Variants in ZNF235 observed in about 807,000 individuals in gnomAD.
The protein encoded by ZNF235 is zfp-93.
A neutral mutation model predicts 29.4 loss-of-function variants in ZNF235; 25 were observed. That is an observed-to-expected ratio of 0.85 (90% CI 0.62 to 1.19). The LOEUF is 1.19. ZNF235 is among the 50% of genes most tolerant of loss of function. ZNF235 has a pLI of 0.00. For missense variants in ZNF235, 788 were observed against 885.0 expected (o/e 0.89, Z 1.39); for synonymous variants, 300 against 295.3 (o/e 1.02, Z -0.16).
chr19:44,291,066 T>C (rs8105073), intron 4 of ZNF235, among the ~76,000 whole-genome samples: 72,530 of 152,050 alleles, frequency 0.48, 18,129 homozygotes, highest in South Asian at 0.67. Flanking sequence ...GACTACTTGG[T>C]CTTTCTAGGA....
In ZNF235 at chr19:44,287,052, T is replaced by C; in HGVS notation, c.*166A>G. On this transcript the variant is annotated 3_prime_UTR_variant, in exon 5 of 5. Transcript: ENST00000291182. ...GTGAAATATGACGTTTGTAAAGAAT[T>C]CATGTCCTAACCAAGTCTAAAACAC... 1.5e-6 allele frequency: 1 copy of C among 663,032 alleles called. No homozygotes were observed. Among genetic ancestry groups the C allele is most frequent in the Non-Finnish European group, 2.4e-6 (1 of 414,418 alleles). 41.1% of individuals were successfully genotyped at this position (663,032 alleles called of 1,614,324 possible). A position where few individuals can be genotyped will look rare whatever the true frequency, so the allele number is the denominator to read the frequency against.
rs1433617755 is a variant in ZNF235 at position 44,288,000 on chromosome 19, G to T, written c.1435C>A (p.Arg479=). The change falls in exon 5 of 5, where the codon CGA becomes AGA. Residue 479 remains arginine, a synonymous_variant. Transcript: ENST00000291182. The part of the protein sequence containing the change: ...SLSFNLHSHQ[R]VHTGEKPYKC... ...TATGGTTTTTCTCCTGTGTGGACTC[G>T]TTGATGACTATGAAGATTAAAGCTC... 1 of 1,611,998 alleles carries T rather than the reference G, an allele frequency of 6.2e-7. No homozygotes were observed. The highest frequency in any genetic ancestry group is 1.3e-5 in the African/African-American group (1 of 74,168).
At chr19:44,302,939 TAC>T (rs1568647474) in intron 2 of ZNF235, among the ~76,000 whole-genome samples, 58 of 95,486 alleles carry the variant, frequency 6.1e-4, no homozygotes, top group African/African-American at 3.5e-3. Context: ...TATTTATATA[TAC>T]ATATTTGTAT....
intron 4 of ZNF235, chr19:44,290,298 A>C (rs1975569320): frequency 6.5e-6 from 1 of 153,602 alleles, no homozygotes; most frequent in African/African-American, 2.4e-5. Flanking sequence ...ACATTGGGAA[A>C]AGACACTTGT....
rs73041611 is a variant in ZNF235, at chr19:44,304,632, A to G, written c.-49+339T>C. ...AACCTCATTTAATTCTCACAAGAAC[A>G]TCACTGGGAACGCACTAACCCTTTA... On this transcript the variant is annotated intron_variant, in intron 1 of 4. Coordinates refer to ENST00000291182, the MANE Select transcript of ZNF235 (RefSeq NM_004234.4). The G allele has an allele frequency of 4.9e-4, 363 of 744,446 alleles. 1 individual carries two copies. The highest frequency in any genetic ancestry group is 3.0e-3 in the South Asian group (50 of 16,586). The allele number at this position is 744,446 out of a possible 1,614,324, so 46.1% of individuals were successfully genotyped here.
rs562076113 is a variant in ZNF235, at chr19:44,301,458, C to T, written c.16-1726G>A. 2.1e-3 allele frequency among the ~76,000 whole-genome samples: 311 copies of T among 150,068 alleles called. 1 individual carries two copies. The highest frequency in any genetic ancestry group is 3.4e-3 in the Middle Eastern group (1 of 294). ...ATACATGTGTAGCATAGCCTCAAGT[C>T]CCTGAATAGTCTCTTTTTTTTTTTT... On this transcript the variant is annotated intron_variant, in intron 2 of 4. Coordinates refer to ENST00000291182, the MANE Select transcript of ZNF235 (RefSeq NM_004234.4).
rs759428164 is a variant in ZNF235, at chr19:44,288,736, A to T, written c.699T>A (p.Asp233Glu). The change falls in exon 5 of 5, where the codon GAT (aspartate) becomes GAA (glutamate). Residue 233 changes from aspartate (D) to glutamate (E), a missense_variant. Physicochemically the swap from Asp to Glu is conservative, Grantham distance 45. Coordinates refer to ENST00000291182, the MANE Select transcript of ZNF235 (RefSeq NM_004234.4). ...HHDDNIVHKR[D>E]KVHSNSDCGK... is the part of the protein sequence containing the mutation. ...CACAATCACTATTGCTATGAACTTT[A>T]TCTCTTTTGTGCACTATATTATCAT... 5 of 1,614,068 alleles carry T rather than the reference A, an allele frequency of 3.1e-6. No homozygotes were observed. The highest frequency in any genetic ancestry group is 1.3e-5 in the African/African-American group (1 of 75,044).
At position 44,298,915 on chromosome 19, in the gene ZNF235, T is replaced by C. The variant is rs148118027; in HGVS notation, c.143-12A>G. On this transcript the variant is annotated splice_polypyrimidine_tract_variant and intron_variant, in intron 3 of 4. Coordinates refer to ENST00000291182, the MANE Select transcript of ZNF235 (RefSeq NM_004234.4). ...GAAGGACTGATGTCCTATAAAAAGA[T>C]AGTATTTAAGTGAAAATGTTAAAGG... 211 of 1,599,680 alleles carry C rather than the reference T, an allele frequency of 1.3e-4. No homozygotes were observed. The East Asian group carries it at 2.2e-3, about 17-fold the overall frequency.
rs554811558 is a variant in ZNF235 at position 44,288,865 on chromosome 19, C to G, written c.570G>C (p.Glu190Asp). Residue 190 changes from glutamate (E) to aspartate (D), a missense_variant, in exon 5 of 5, where the codon GAG becomes GAC. Glu to Asp is a conservative substitution (Grantham distance 45). Transcript: ENST00000291182. Reference protein sequence around the residue: ...PNSWSKIYLNETQNYQRSCKQ... With the variant: ...PNSWSKIYLNDTQNYQRSCKQ... ...TACAACTTCTCTGATAATTCTGTGT[C>G]TCATTCAGATATATTTTACTCCAAG... The G allele has an allele frequency of 6.2e-6, 10 of 1,613,704 alleles. No homozygotes were observed. The highest frequency in any genetic ancestry group is 8.5e-6 in the Non-Finnish European group (10 of 1,179,874).
rs113281599 is a variant in ZNF235, at chr19:44,298,289, AT to A, written c.238+518del. ...GGTAAAGCTAGGTGAATAGGCAAACATTATACAGCCTTACAAGCTCCTTAAA... is the reference window on the plus strand; with the variant it reads ...GGTAAAGCTAGGTGAATAGGCAAACATATACAGCCTTACAAGCTCCTTAAA... On this transcript the variant is annotated intron_variant, in intron 4 of 4. Coordinates refer to ENST00000291182, the MANE Select transcript of ZNF235 (RefSeq NM_004234.4). 9.4e-4 allele frequency among the ~76,000 whole-genome samples: 143 copies of A among 152,336 alleles called. 1 individual carries two copies. The highest frequency in any genetic ancestry group is 3.3e-3 in the African/African-American group (137 of 41,588).
intron 4 of ZNF235, among the ~76,000 whole-genome samples, chr19:44,292,962 T>C (rs1309953681): frequency 1.3e-5 from 2 of 152,178 alleles, no homozygotes; most frequent in Non-Finnish European, 2.9e-5. Context: ...AAAATTTGTA[T>C]CCTACTAGAA....
intron 4 of ZNF235, 164 bp from the exon 5 acceptor site, chr19:44,289,360 G>A (rs1483719076): frequency 1.6e-6 from 1 of 619,582 alleles, no homozygotes; most frequent in African/African-American, 1.9e-5. Context: ...GCAACCAAGA[G>A]AACACCAAAT....
rs374840982 is a variant in ZNF235 at position 44,299,592 on chromosome 19, G to A, written c.142+14C>T. On this transcript the variant is annotated intron_variant, in intron 3 of 4. Coordinates refer to ENST00000291182, the MANE Select transcript of ZNF235 (RefSeq NM_004234.4). ...GAGAAACCCTGCTGAATTACAGAGG[G>A]TGCCTGTCCTTACCCACTGAAACCA... The A allele has an allele frequency of 6.2e-7, 1 of 1,613,458 alleles. No homozygotes were observed. Among genetic ancestry groups the A allele is most frequent in the South Asian group, 1.1e-5 (1 of 91,054 alleles).
intron 2 of ZNF235, among the ~76,000 whole-genome samples, chr19:44,302,788 CTATATACTTATATATGAGTATA>C (rs1168838159): frequency 1.5e-5 from 2 of 133,650 alleles, no homozygotes; most frequent in Non-Finnish European, 3.1e-5. Flanking sequence ...ATATATAAAA[CTATATACTTATATATGAGTATA>C]TATATACTTA....
chr19:44,289,914 G>A (rs1975563316), intron 4 of ZNF235: 1 of 152,146 alleles, frequency 6.6e-6, no homozygotes, highest in Non-Finnish European at 1.5e-5. Context: ...ATTTATAGCT[G>A]GAGATTTCAA....
At chr19:44,299,400 C>T (rs1975701304) in intron 3 of ZNF235, among the ~76,000 whole-genome samples, 1 of 152,194 alleles carries the variant, frequency 6.6e-6, no homozygotes, top group African/African-American at 2.4e-5. Flanking sequence ...TCAGAAACAT[C>T]TTGTCTCTAT....
In ZNF235 at chr19:44,288,596, AG is replaced by A; in HGVS notation, c.838del (p.Leu280PhefsTer191). The stretch of plus-strand genomic sequence containing the variant: ...CTTTCCCAAGTGTACCTGTTTATGA[AG>A]TTCAAGACTGGAGCTATCATTGAAG... ...EAFNDSSSLELHKQVHLGKKS... is the reference protein window; with the variant it reads ...EAFNDSSSLEXHKQVHLGKKS... On this transcript the variant is annotated frameshift_variant, in exon 5 of 5. Transcript: ENST00000291182. LOFTEE classifies it low-confidence loss of function (END_TRUNC). 1 of 1,614,100 alleles carries A rather than the reference AG, an allele frequency of 6.2e-7. No homozygotes were observed. Among genetic ancestry groups the A allele is most frequent in the Non-Finnish European group, 8.5e-7 (1 of 1,179,994 alleles).
intron 4 of ZNF235, among the ~76,000 whole-genome samples, chr19:44,295,172 C>T (rs1335445881): frequency 6.6e-6 from 1 of 151,948 alleles, no homozygotes; most frequent in Admixed American, 6.6e-5. Flanking sequence ...ACAATCTGAT[C>T]TTATACCTAC....
At chr19:44,299,154 G>A (rs572488723) in intron 3 of ZNF235, among the ~76,000 whole-genome samples, 2 of 152,158 alleles carry the variant, frequency 1.3e-5, no homozygotes, top group African/African-American at 2.4e-5. Context: ...CATCCCTTAC[G>A]GCAAGCAGCA....
Sources: allele counts gnomAD v4.1 joint callset (sites outside exome capture counted in the v4.1 genomes callset), GRCh38; gene constraint gnomAD v4.1.1; transcripts MANE v1.5; gene names NCBI Gene and HGNC (gene_info 2026-07-23, HGNC 2026-07-21).